Variants in BFSP2 observed in about 807,000 individuals in gnomAD.
The protein encoded by BFSP2 is phakinin.
In BFSP2, 38 loss-of-function variants were observed where a neutral mutation model predicts 44.9. The observed-to-expected ratio is 0.85, with a 90% CI of 0.65 to 1.11. BFSP2 has a LOEUF of 1.11. Ranked by LOEUF, BFSP2 falls within the 50% of genes least tolerant of loss-of-function variation. The probability of loss-of-function intolerance (pLI) is 0.00; values close to 1 mark genes in which losing one functional copy is unlikely to be tolerated. For synonymous variants in BFSP2, 197 were observed against 209.9 expected (o/e 0.94, Z 0.53); for missense variants, 525 against 533.0 (o/e 0.99, Z 0.15).
chr3:133,431,553 G>A (rs1359512904), intron 1 of BFSP2, among the ~76,000 whole-genome samples: 24 of 152,220 alleles, frequency 1.6e-4, no homozygotes, highest in East Asian at 1.3e-3. Context: ...ACTCTGGCCC[G>A]AGGCTCTCTG....
At chr3:133,428,653 A>G (rs760731092) in intron 1 of BFSP2, among the ~76,000 whole-genome samples, 3 of 150,448 alleles carry the variant, frequency 2.0e-5, no homozygotes, top group African/African-American at 7.3e-5. Flanking sequence ...ATATCTTGTC[A>G]GAGGAAAGTC....
At position 133,447,320 on chromosome 3, in the gene BFSP2, G is replaced by A. The variant is rs758621095; in HGVS notation, c.493G>A (p.Gly165Ser). Residue 165 changes from glycine (G) to serine (S), a missense_variant, in exon 2 of 7, where the codon GGT (glycine) becomes AGT (serine). By Grantham distance (56) the Gly-to-Ser change is moderately conservative. Transcript: ENST00000302334. ...TTGGTGTGTGTGATCGCTCTAGGTG[G>A]GTGAGGCAGTCTTGGAAAATGCCCG... ...ASWASSCQQV[G>S]EAVLENARLM... 6.2e-7 allele frequency: 1 copy of A among 1,614,016 alleles called. No individual in the cohort carries two copies. The highest frequency in any genetic ancestry group is 1.7e-5 in the Admixed American group (1 of 60,022).
chr3:133,402,532 T>A (rs2073370394), intron 1 of BFSP2, among the ~76,000 whole-genome samples: 1 of 152,146 alleles, frequency 6.6e-6, no homozygotes, highest in Non-Finnish European at 1.5e-5. Context: ...TCCTCTTAAG[T>A]GACTATAAAT....
intron 4 of BFSP2, among the ~76,000 whole-genome samples, chr3:133,456,232 A>G (rs2074011716): frequency 1.3e-5 from 2 of 152,248 alleles, no homozygotes; most frequent in South Asian, 4.1e-4. Context: ...AGCTGTAACC[A>G]TCATGCCTTC....
At position 133,400,567 on chromosome 3, in the gene BFSP2, C is replaced by G; in HGVS notation, c.484C>G (p.Gln162Glu). The change falls in exon 1 of 7, where the codon CAG becomes GAG. Residue 162 changes from glutamine (Q) to glutamate (E), a missense_variant. Physicochemically the swap from Gln to Glu is conservative, Grantham distance 29. Transcript: ENST00000302334. This position sits in a 1 kb window ranked among gnomAD's most constrained non-coding sequence, Gnocchi z 4.0. ...ACGGGCTTCCTGGGCCAGCAGCTGCCAGCAGGTAAGTGTCCAGGCTGTGCC... is the reference window on the plus strand; with the variant it reads ...ACGGGCTTCCTGGGCCAGCAGCTGCGAGCAGGTAAGTGTCCAGGCTGTGCC... The part of the protein sequence containing the change: ...ALRASWASSC[Q>E]QVGEAVLENA... The G allele has an allele frequency of 6.2e-7, 1 of 1,600,140 alleles. No homozygotes were observed. Among genetic ancestry groups the G allele is most frequent in the Admixed American group, 1.7e-5 (1 of 57,400 alleles).
intron 1 of BFSP2, among the ~76,000 whole-genome samples, chr3:133,436,406 G>A (rs1276007668): frequency 6.8e-6 from 1 of 146,944 alleles, no homozygotes; most frequent in Non-Finnish European, 1.5e-5. Context: ...AAGGTTCCTT[G>A]TCTATATGAT....
At chr3:133,459,237 A>G (rs2074040582) in intron 4 of BFSP2, among the ~76,000 whole-genome samples, 1 of 152,102 alleles carries the variant, frequency 6.6e-6, no homozygotes, top group Admixed American at 6.6e-5. Context: ...CTAGCTACTC[A>G]GGAGGCTGAG....
intron 1 of BFSP2, among the ~76,000 whole-genome samples, chr3:133,428,233 T>C (rs563615141): frequency 3.9e-5 from 6 of 152,146 alleles, no homozygotes; most frequent in African/African-American, 1.2e-4. Flanking sequence ...GGCCACGTAG[T>C]ATGGAAGTGC....
At chr3:133,412,947 T>C (rs1404147183) in intron 1 of BFSP2, among the ~76,000 whole-genome samples, 2 of 152,228 alleles carry the variant, frequency 1.3e-5, no homozygotes, top group Admixed American at 6.5e-5. Flanking sequence ...GCTGGTTAGA[T>C]ACTGACGTGG....
intron 1 of BFSP2, among the ~76,000 whole-genome samples, chr3:133,401,159 A>G (rs1234014912): frequency 6.6e-6 from 1 of 152,264 alleles, no homozygotes; most frequent in African/African-American, 2.4e-5. Context: ...AACACGTAAA[A>G]AGAAGCAGGT....
At chr3:133,414,365 C>CA in intron 1 of BFSP2, among the ~76,000 whole-genome samples, 1 of 87,650 alleles carries the variant, frequency 1.1e-5, no homozygotes, top group East Asian at 3.6e-4. Flanking sequence ...CTCACCCGTC[C>CA]TCTCCCCTCT....
chr3:133,423,795 A>C (rs1321635133), intron 1 of BFSP2, among the ~76,000 whole-genome samples: 3 of 151,834 alleles, frequency 2.0e-5, no homozygotes, highest in African/African-American at 7.3e-5. Context: ...ATACCTAGTC[A>C]CTCAGCGGCA....
chr3:133,427,807 T>C lies in BFSP2; in HGVS notation c.490-19510T>C, dbSNP rs182379860. 1.6e-3 allele frequency among the ~76,000 whole-genome samples: 243 copies of C among 152,320 alleles called. 2 individuals carry two copies. Among genetic ancestry groups the C allele is most frequent in the Non-Finnish European group, 2.5e-4 (17 of 68,018 alleles). ...CAAGGGGTAAAGCATATCTATCCCT[T>C]TATTGCCCGTAAGTGTCCCTTAGTT... On this transcript the variant is annotated intron_variant, in intron 1 of 6. Transcript: ENST00000302334.
chr3:133,436,252 G>A (rs2073779930), intron 1 of BFSP2, among the ~76,000 whole-genome samples: 1 of 150,420 alleles, frequency 6.6e-6, no homozygotes, highest in Non-Finnish European at 1.5e-5. Context: ...CTTGAACCCA[G>A]GAGGTGGAGC....
At position 133,400,569 on chromosome 3, in the gene BFSP2, G is replaced by A. The variant is rs1186683530; in HGVS notation, c.486G>A (p.Gln162=). 5 of 1,597,990 alleles carry A rather than the reference G, an allele frequency of 3.1e-6. No individual in the cohort carries two copies. In the Admixed American group the frequency reaches 7.0e-5, roughly 22 times the overall value. ...GGGCTTCCTGGGCCAGCAGCTGCCA[G>A]CAGGTAAGTGTCCAGGCTGTGCCAA... ...ALRASWASSC[Q]QVGEAVLENA... The change falls in exon 1 of 7, where the codon CAG becomes CAA. Residue 162 remains glutamine, a synonymous_variant. Transcript: ENST00000302334. This position sits in a 1 kb window ranked among gnomAD's most constrained non-coding sequence, Gnocchi z 4.0.
intron 1 of BFSP2, among the ~76,000 whole-genome samples, chr3:133,423,257 A>T: frequency 6.6e-6 from 1 of 152,180 alleles, no homozygotes; most frequent in East Asian, 1.9e-4. Context: ...AAAAGAACTG[A>T]GTTCAAACTC....
chr3:133,472,639 C>T lies in BFSP2; in HGVS notation c.1244+74C>T, dbSNP rs568613029. The T allele has an allele frequency of 6.6e-6, 10 of 1,523,108 alleles. No homozygotes were observed. The East Asian group carries it at 2.4e-4, about 37-fold the overall frequency. 94.3% of individuals were successfully genotyped at this position (1,523,108 alleles called of 1,614,324 possible). On this transcript the variant is annotated intron_variant, in intron 6 of 6. Coordinates refer to ENST00000302334, the MANE Select transcript of BFSP2 (RefSeq NM_003571.4). The stretch of plus-strand genomic sequence containing the variant: ...TTTAAAAATAATTATTTTCCAAACA[C>T]TGTAGAAGTATTTAAGAAGAAATCA...
At chr3:133,410,341 G>A in intron 1 of BFSP2, 2 of 350,202 alleles carry the variant, frequency 5.7e-6, no homozygotes, top group Non-Finnish European at 1.1e-5. Flanking sequence ...TAACAGTCGT[G>A]GCCAGAGACA....
intron 1 of BFSP2, among the ~76,000 whole-genome samples, chr3:133,418,757 T>G (rs1440766198): frequency 6.6e-6 from 1 of 152,158 alleles, no homozygotes; most frequent in Non-Finnish European, 1.5e-5. Flanking sequence ...ACAAAATCAT[T>G]TACTTCCGTA....
Sources: allele counts gnomAD v4.1 joint callset (sites outside exome capture counted in the v4.1 genomes callset), GRCh38; gene constraint gnomAD v4.1.1; non-coding constraint Gnocchi (gnomAD v3.1); transcripts MANE v1.5; gene names NCBI Gene and HGNC (gene_info 2026-07-23, HGNC 2026-07-21).